Variants in ASIC2 observed in about 807,000 individuals in gnomAD.
ASIC2 encodes the protein acid-sensing ion channel 2.
ASIC2 carries 25 observed loss-of-function variants against 57.3 expected under a neutral mutation model. The ratio of observed to expected loss-of-function variants is 0.44; its 90% CI spans 0.32 to 0.61. The LOEUF is 0.61. Ranked by LOEUF, ASIC2 falls within the 20% of genes least tolerant of loss-of-function variation. ASIC2 has a pLI of 0.06. For missense variants in ASIC2, 641 were observed against 738.1 expected (o/e 0.87, Z 1.52); for synonymous variants, 319 against 307.5 (o/e 1.04, Z -0.39).
At position 34,156,218 on chromosome 17, in the gene ASIC2, A is replaced by T. The variant is rs2228990; in HGVS notation, c.315T>A (p.Asn105Lys). The change falls in exon 1 of 10, where the codon AAT becomes AAA. Residue 105 changes from asparagine to lysine, a missense_variant. Asn to Lys is a moderately conservative substitution (Grantham distance 94). Transcript: ENST00000359872. The surrounding 1 kb of genome is among the most constrained non-coding windows in gnomAD (Gnocchi z 4.4). ...GCAGCTCCCCAGCATGGTACAGGTCATTGGTGGTGAGCCTGGAGAACCGGA... is the reference window on the plus strand; with the variant it reads ...GCAGCTCCCCAGCATGGTACAGGTCTTTGGTGGTGAGCCTGGAGAACCGGA... 1 of 1,613,956 alleles carries T rather than the reference A, an allele frequency of 6.2e-7. No homozygotes were observed.
At chr17:33,058,470 CA>C (rs10612611) in intron 3 of ASIC2, among the ~76,000 whole-genome samples, 34,835 of 109,336 alleles carry the variant, frequency 0.32, 3,150 homozygotes, top group Middle Eastern at 0.35. Context: ...TCTGAGAAGT[CA>C]AAAAAAAAAA....
chr17:33,717,861 ATACT>A (rs1191006921), intron 1 of ASIC2, among the ~76,000 whole-genome samples: 15 of 152,234 alleles, frequency 9.9e-5, no homozygotes, highest in African/African-American at 3.6e-4. Context: ...CTTAGTACAG[ATACT>A]TAATAAATGG....
chr17:33,205,012 T>C (rs1045223366), intron 1 of ASIC2, among the ~76,000 whole-genome samples: 1 of 152,380 alleles, frequency 6.6e-6, no homozygotes, highest in African/African-American at 2.4e-5. Flanking sequence ...TCTTGTTTAC[T>C]TAAGAAAGTT....
intron 1 of ASIC2, among the ~76,000 whole-genome samples, chr17:33,620,071 C>A (rs1390125633): frequency 6.6e-6 from 1 of 151,960 alleles, no homozygotes; most frequent in Non-Finnish European, 1.5e-5. Flanking sequence ...AAATAATATT[C>A]TTCTGATCCT....
chr17:33,754,584 T>A (rs1910534439), intron 1 of ASIC2, among the ~76,000 whole-genome samples: 1 of 152,226 alleles, frequency 6.6e-6, no homozygotes, highest in Non-Finnish European at 1.5e-5. Flanking sequence ...AGCATAACTC[T>A]AGCATCTAAG....
At chr17:33,388,004 C>T (rs566546572) in intron 1 of ASIC2, among the ~76,000 whole-genome samples, 9 of 152,066 alleles carry the variant, frequency 5.9e-5, no homozygotes, top group Admixed American at 3.9e-4. Context: ...TGCTTGAACC[C>T]GGGAGGCAGA....
chr17:33,567,086 C>T (rs974181668), intron 1 of ASIC2, among the ~76,000 whole-genome samples: 1 of 152,054 alleles, frequency 6.6e-6, no homozygotes, highest in Non-Finnish European at 1.5e-5. Context: ...GTATTTAGTG[C>T]CTACCATATG....
chr17:33,379,694 C>A (rs1909409236), intron 1 of ASIC2, among the ~76,000 whole-genome samples: 1 of 152,162 alleles, frequency 6.6e-6, no homozygotes, highest in African/African-American at 2.4e-5. Flanking sequence ...TCTGCATCAC[C>A]TTTAGATGAT....
At chr17:33,683,893 C>T (rs953374770) in intron 1 of ASIC2, among the ~76,000 whole-genome samples, 4 of 152,168 alleles carry the variant, frequency 2.6e-5, no homozygotes, top group African/African-American at 7.2e-5. Flanking sequence ...TTGACTCTAC[C>T]AATTACATCT....
intron 1 of ASIC2, among the ~76,000 whole-genome samples, chr17:33,386,018 T>C (rs1246505893): frequency 6.6e-6 from 1 of 152,248 alleles, no homozygotes; most frequent in East Asian, 1.9e-4. Context: ...TGTCTGTTAC[T>C]ATACACATAA....
intron 1 of ASIC2, among the ~76,000 whole-genome samples, chr17:33,453,714 C>T (rs1912349842): frequency 2.0e-5 from 3 of 152,148 alleles, no homozygotes; most frequent in South Asian, 2.1e-4. Context: ...GTGGGACCAG[C>T]GCCACAATCA....
intron 1 of ASIC2, among the ~76,000 whole-genome samples, chr17:33,398,804 G>T (rs1038886416): frequency 6.6e-6 from 1 of 152,110 alleles, no homozygotes; most frequent in Admixed American, 6.6e-5. Flanking sequence ...TGACTTGCCC[G>T]GGGCTACACA....
intron 1 of ASIC2, among the ~76,000 whole-genome samples, chr17:33,989,886 A>C (rs1382864988): frequency 2.0e-5 from 3 of 152,218 alleles, no homozygotes; most frequent in African/African-American, 7.2e-5. Flanking sequence ...GAAACTAAGC[A>C]TGAAGGAACT....
At chr17:33,067,089 C>T (rs1359406905) in intron 3 of ASIC2, among the ~76,000 whole-genome samples, 3 of 152,174 alleles carry the variant, frequency 2.0e-5, no homozygotes, top group African/African-American at 7.2e-5. Context: ...CTTTGGCGAG[C>T]ATGGCTCTCC....
At chr17:34,020,027 C>A (rs920106221) in intron 1 of ASIC2, among the ~76,000 whole-genome samples, 34 of 152,304 alleles carry the variant, frequency 2.2e-4, no homozygotes, top group African/African-American at 7.9e-4. Flanking sequence ...TCCTGCCACA[C>A]GCTTTGGCCA....
chr17:33,771,511 T>C (rs1391314765), intron 1 of ASIC2, among the ~76,000 whole-genome samples: 6 of 152,198 alleles, frequency 3.9e-5, no homozygotes, highest in African/African-American at 1.4e-4. Flanking sequence ...TGGGTAGAAA[T>C]TGAATCTGAG....
intron 1 of ASIC2, among the ~76,000 whole-genome samples, chr17:33,214,431 A>G (rs1417450115): frequency 1.3e-5 from 2 of 152,102 alleles, no homozygotes; most frequent in African/African-American, 4.8e-5. Context: ...TGTCCTCTGG[A>G]GCTGGCAGAC....
At chr17:34,106,514 T>C (rs1198146998) in intron 1 of ASIC2, among the ~76,000 whole-genome samples, 1 of 152,170 alleles carries the variant, frequency 6.6e-6, no homozygotes, top group African/African-American at 2.4e-5. Flanking sequence ...TGTCTGCATG[T>C]ATGTATGTAT....
At chr17:33,711,626 C>G (rs969156425) in intron 1 of ASIC2, among the ~76,000 whole-genome samples, 1 of 152,094 alleles carries the variant, frequency 6.6e-6, no homozygotes, top group Non-Finnish European at 1.5e-5. Flanking sequence ...AATTTACAAT[C>G]GTGGCGGAAG....
Sources: gnomAD v4.1 joint callset for allele counts (sites outside exome capture counted in the v4.1 genomes callset) on GRCh38, gnomAD v4.1.1 for gene constraint, Gnocchi (gnomAD v3.1) non-coding constraint, MANE v1.5 for transcripts, NCBI Gene and HGNC (gene_info 2026-07-23, HGNC 2026-07-21) for gene names.